The following CAMTA1 variants were observed in gnomAD, a reference collection of about 807,000 sequenced individuals.
CAMTA1 encodes calmodulin binding transcription activator 1, also known as calmodulin-binding transcription activator 1.
In CAMTA1, 27 loss-of-function variants were observed where a neutral mutation model predicts 170.9. The observed-to-expected ratio is 0.16, with a 90% CI of 0.12 to 0.22. The LOEUF (loss-of-function observed/expected upper bound fraction) is 0.22, where lower values mean the gene tolerates loss of function less well. Ranked by LOEUF, CAMTA1 falls within the 10% of genes least tolerant of loss-of-function variation. CAMTA1 has a pLI of 1.00. For synonymous variants in CAMTA1, 833 were observed against 891.5 expected, an observed-to-expected ratio of 0.93 and a Z score of 1.17; for missense variants, 1,619 against 2,217.2, an observed-to-expected ratio of 0.73 and a Z score of 5.42.
intron 6 of CAMTA1, among the ~76,000 whole-genome samples, chr1:7,517,478 G>A (rs1003085757): frequency 2.6e-5 from 4 of 152,170 alleles, no homozygotes; most frequent in Non-Finnish European, 4.4e-5. Context: ...CTGGCATTTA[G>A]TAGGTTCTAC....
In CAMTA1 at chr1:6,818,194, A is replaced by G. The variant is rs556872574; in HGVS notation, c.46-1987A>G. ...TCTACTAAAAATACACAAATTAGCC[A>G]GGCATGGTGGCGGACACCTGTGATC... On this transcript the variant is annotated intron_variant, in intron 1 of 22. Coordinates refer to ENST00000303635, the MANE Select transcript of CAMTA1 (RefSeq NM_015215.4). 7.9e-5 allele frequency among the ~76,000 whole-genome samples: 12 copies of G among 152,230 alleles called. No homozygotes were observed. The East Asian group carries it at 2.1e-3, about 27-fold the overall frequency.
intron 5 of CAMTA1, among the ~76,000 whole-genome samples, chr1:7,278,790 C>T (rs1422748907): frequency 1.3e-5 from 2 of 152,184 alleles, no homozygotes; most frequent in East Asian, 1.9e-4. Flanking sequence ...TTGGCCCTCA[C>T]GTAGCTTCCA....
intron 3 of CAMTA1, among the ~76,000 whole-genome samples, chr1:6,922,234 G>GC (rs1682173562): frequency 6.6e-6 from 1 of 152,108 alleles, no homozygotes; most frequent in African/African-American, 2.4e-5. Context: ...TTTCAGATGA[G>GC]CAAAAGCAGG....
chr1:6,892,597 C>CTTTTTTTTTTTTT (rs70984032), intron 3 of CAMTA1, among the ~76,000 whole-genome samples: 1 of 120,874 alleles, frequency 8.3e-6, no homozygotes, highest in Non-Finnish European at 1.7e-5. Context: ...TTTTTCTTTT[C>CTTTTTTTTTTTTT]TTTTTTTTTT....
chr1:7,745,297 C>T lies in CAMTA1; in HGVS notation c.4370+275C>T, dbSNP rs187434823. On this transcript the variant is annotated intron_variant, in intron 17 of 22. Coordinates refer to ENST00000303635, the MANE Select transcript of CAMTA1 (RefSeq NM_015215.4). ...TCCCAGCACTTTTGGGAGGCCAAGG[C>T]GGGTGGATCACCTGAGGTCAGGAGT... Among the ~76,000 whole-genome samples the T allele has an allele frequency of 1.4e-4, 21 of 152,128 alleles. No individual in the cohort carries two copies. The East Asian group carries it at 4.1e-3, about 29-fold the overall frequency.
chr1:7,355,149 T>G (rs1335350042), intron 5 of CAMTA1, among the ~76,000 whole-genome samples: 1 of 143,638 alleles, frequency 7.0e-6, no homozygotes. Context: ...GAGTTTGCAG[T>G]GAGCCGAGAT....
At chr1:6,794,971 C>A (rs1457266848) in intron 1 of CAMTA1, among the ~76,000 whole-genome samples, 1 of 151,166 alleles carries the variant, frequency 6.6e-6, no homozygotes, top group Non-Finnish European at 1.5e-5. Flanking sequence ...CTGAGTTCCA[C>A]CCCATATTAT....
intron 4 of CAMTA1, among the ~76,000 whole-genome samples, chr1:7,138,026 C>T (rs1457426644): frequency 1.3e-5 from 2 of 152,208 alleles, no homozygotes; most frequent in African/African-American, 4.8e-5. Flanking sequence ...TGCTCTGTTG[C>T]CCAGGCTGGA....
At chr1:7,425,000 G>A (rs997016799) in intron 5 of CAMTA1, among the ~76,000 whole-genome samples, 1 of 152,102 alleles carries the variant, frequency 6.6e-6, no homozygotes, top group Non-Finnish European at 1.5e-5. Context: ...CTTCCAGGGG[G>A]GCTCGGGGAA....
chr1:7,153,265 C>T, intron 4 of CAMTA1, among the ~76,000 whole-genome samples: 1 of 152,212 alleles, frequency 6.6e-6, no homozygotes, highest in East Asian at 1.9e-4. Context: ...AACTTGGTTG[C>T]CTTGTAAAAC....
intron 5 of CAMTA1, among the ~76,000 whole-genome samples, chr1:7,418,858 T>C (rs2091372942): frequency 6.6e-6 from 1 of 152,098 alleles, no homozygotes; most frequent in Admixed American, 6.6e-5. Context: ...TGCCCTTGCA[T>C]GCTGCCGGGA....
intron 3 of CAMTA1, among the ~76,000 whole-genome samples, chr1:6,910,516 T>G (rs1679469071): frequency 6.6e-6 from 1 of 151,982 alleles, no homozygotes; most frequent in African/African-American, 2.4e-5. Context: ...GGGAGCAGGG[T>G]GGGGAGGGAA....
chr1:7,517,830 G>A (rs1254828659), intron 6 of CAMTA1, among the ~76,000 whole-genome samples: 2 of 151,980 alleles, frequency 1.3e-5, no homozygotes, highest in African/African-American at 4.8e-5. Context: ...TGTCCAGGCA[G>A]AGGTTTGAGC....
chr1:7,240,896 A>G (rs1664744144), intron 4 of CAMTA1, among the ~76,000 whole-genome samples: 2 of 152,226 alleles, frequency 1.3e-5, no homozygotes, highest in African/African-American at 4.8e-5. Flanking sequence ...AAAATCAGGA[A>G]CAGGGCAAAG....
chr1:7,266,392 G>A (rs777318859), intron 5 of CAMTA1, among the ~76,000 whole-genome samples: 10 of 152,238 alleles, frequency 6.6e-5, no homozygotes, highest in Non-Finnish European at 1.0e-4. Context: ...TCCCTCATAA[G>A]ACTTGGGAGT....
rs377503423 is a variant in CAMTA1 at position 7,448,060 on chromosome 1, G to T, written c.439-19770G>T. Among the ~76,000 whole-genome samples, 48 of 152,338 alleles carry T rather than the reference G, an allele frequency of 3.2e-4. 1 individual carries two copies. The highest frequency in any genetic ancestry group is 1.2e-3 in the African/African-American group (48 of 41,588). On this transcript the variant is annotated intron_variant, in intron 5 of 22. Transcript: ENST00000303635. ...GGTCAGCGGGTGCTCCTCTGCGGCC[G>T]CTGTCTTGATCCTCCTCATTCCAAA...
chr1:7,246,316 T>C (rs1183383833), intron 4 of CAMTA1, among the ~76,000 whole-genome samples: 1 of 152,226 alleles, frequency 6.6e-6, no homozygotes, highest in Admixed American at 6.5e-5. Context: ...TTAAGGGTTA[T>C]AGGTATAAGT....
chr1:7,310,733 TC>T (rs1676582290), intron 5 of CAMTA1, among the ~76,000 whole-genome samples: 4 of 95,932 alleles, frequency 4.2e-5, no homozygotes, highest in East Asian at 2.8e-4. Flanking sequence ...TTTCTTTCTT[TC>T]TTTCTTTCTT....
At chr1:6,807,719 CAA>C (rs35402432) in intron 1 of CAMTA1, among the ~76,000 whole-genome samples, 3,383 of 104,752 alleles carry the variant, frequency 0.032, 110 homozygotes, top group African/African-American at 0.11. Context: ...GACTTCATCT[CAA>C]AAAAAAAAAA....
Sources: gnomAD v4.1 joint callset for allele counts (sites outside exome capture counted in the v4.1 genomes callset) on GRCh38, gnomAD v4.1.1 for gene constraint, MANE v1.5 for transcripts, NCBI Gene and HGNC (gene_info 2026-07-23, HGNC 2026-07-21) for gene names.